DNAH8: variants seen among roughly 807,000 people sequenced by gnomAD.
DNAH8 encodes axonemal beta dynein heavy chain 8.
A neutral mutation model predicts 562.1 loss-of-function variants in DNAH8; 382 were observed. The ratio of observed to expected loss-of-function variants is 0.68; its 90% CI spans 0.63 to 0.74. The LOEUF (loss-of-function observed/expected upper bound fraction) is 0.74. Ranked by LOEUF, DNAH8 falls within the 30% of genes least tolerant of loss-of-function variation. DNAH8 has a pLI of 0.00. For synonymous variants in DNAH8, 1,881 were observed against 1,919.4 expected, an observed-to-expected ratio of 0.98 and a Z score of 0.52; for missense variants, 5,203 against 5,620.4, an observed-to-expected ratio of 0.93 and a Z score of 2.37.
At chr6:38,975,780 A>G (rs1193930584) in intron 85 of DNAH8, among the ~76,000 whole-genome samples, 1 of 152,218 alleles carries the variant, frequency 6.6e-6, no homozygotes, top group Non-Finnish European at 1.5e-5. Context: ...TCCTAATACA[A>G]ATATTGCTTT....
intron 42 of DNAH8, among the ~76,000 whole-genome samples, chr6:38,859,193 C>T (rs1044833812): frequency 1.3e-5 from 2 of 152,208 alleles, no homozygotes; most frequent in African/African-American, 4.8e-5. Flanking sequence ...TCCACCTCCT[C>T]CTTACCATCT....
At position 38,915,302 on chromosome 6, in the gene DNAH8, T is replaced by C; in HGVS notation, c.10065T>C (p.Asp3355=). 1 of 1,610,410 alleles carries C rather than the reference T, an allele frequency of 6.2e-7. No homozygotes were observed. Residue 3355 remains aspartate, a synonymous_variant, in exon 68 of 93, where the codon GAT becomes GAC. Coordinates refer to ENST00000327475, the MANE Select transcript of DNAH8 (RefSeq NM_001206927.2). The part of the protein sequence containing the change: ...DKAQKIVDEI[D]SEKVKAESKL... ...CCCAAAAAATTGTGGATGAAATTGA[T>C]AGTGAAAAAGTGAAAGCTGAAAGCA...
intron 76 of DNAH8, among the ~76,000 whole-genome samples, chr6:38,932,508 T>C (rs1782631402): frequency 6.6e-6 from 1 of 152,178 alleles, no homozygotes; most frequent in African/African-American, 2.4e-5. Context: ...GACTGGAAGA[T>C]TTTAAGAGAC....
intron 6 of DNAH8, 93 bp downstream of exon 6, chr6:38,737,349 G>T: frequency 4.0e-6 from 3 of 758,744 alleles, no homozygotes; most frequent in Non-Finnish European, 5.5e-6. Context: ...TATCTTAAAA[G>T]ATGTTAATCC....
chr6:38,911,666 A>G, intron 66 of DNAH8, 80 bp downstream of exon 66: 1 of 991,810 alleles, frequency 1.0e-6, no homozygotes, highest in South Asian at 1.5e-5. Context: ...TTTGGTGGAC[A>G]TTTTGTCTGA....
At chr6:38,790,482 C>T (rs1169101684) in intron 20 of DNAH8, 77 bp downstream of exon 20, 1 of 708,168 alleles carries the variant, frequency 1.4e-6, no homozygotes, top group Non-Finnish European at 2.4e-6. Context: ...TATGAAAGCT[C>T]TTTAAAGGGT....
chr6:38,884,995 T>C (rs1315652231), intron 56 of DNAH8, among the ~76,000 whole-genome samples: 1 of 152,060 alleles, frequency 6.6e-6, no homozygotes, highest in African/African-American at 2.4e-5. Context: ...TTGCTCTTTA[T>C]CCCTATTCGC....
chr6:38,834,622 A>G lies in DNAH8; in HGVS notation c.4346A>G (p.Asn1449Ser). 5.0e-6 allele frequency: 8 copies of G among 1,608,432 alleles called. No homozygotes were observed. The highest frequency in any genetic ancestry group is 1.1e-5 in the South Asian group (1 of 89,806). ...AATATACCACCCCAAGAAGCTAGCAACAGGCTACAGATATTTCAGGTGAAA... is the reference window on the plus strand; with the variant it reads ...AATATACCACCCCAAGAAGCTAGCAGCAGGCTACAGATATTTCAGGTGAAA... ...VPNIPPQEAS[N>S]RLQIFQASFD... Residue 1449 changes from asparagine to serine, a missense_variant, in exon 32 of 93, where the codon AAC becomes AGC. By Grantham distance (46) the Asn-to-Ser change is conservative. This residue lies in a region of DNAH8 where 2,176 missense variants were observed against 2,365.1 expected (regional missense o/e 0.92). Transcript: ENST00000327475.
chr6:39,025,622 A>G (rs1433750376), intron 91 of DNAH8, among the ~76,000 whole-genome samples: 2 of 151,576 alleles, frequency 1.3e-5, no homozygotes, highest in Non-Finnish European at 2.9e-5. Context: ...CCCTCCCCCA[A>G]CTCCCATTCA....
At chr6:38,718,740 G>T (rs1457474769) in intron 1 of DNAH8, among the ~76,000 whole-genome samples, 1 of 152,182 alleles carries the variant, frequency 6.6e-6, no homozygotes, top group Non-Finnish European at 1.5e-5. Context: ...AGTGTTCACA[G>T]TCACAAAAGT....
At chr6:38,738,931 A>AT (rs1329771462) in intron 7 of DNAH8, among the ~76,000 whole-genome samples, 5 of 152,074 alleles carry the variant, frequency 3.3e-5, no homozygotes, top group African/African-American at 1.2e-4. Context: ...GAATTGTCAG[A>AT]TTTTTAATTG....
At chr6:38,974,130 G>A (rs57188158) in intron 84 of DNAH8, among the ~76,000 whole-genome samples, 6,955 of 152,134 alleles carry the variant, frequency 0.046, 508 homozygotes, top group African/African-American at 0.15. Context: ...TACAGGTTGA[G>A]CATCCTAAAT....
chr6:38,988,793 C>T (rs890748243), intron 87 of DNAH8, among the ~76,000 whole-genome samples: 9 of 152,210 alleles, frequency 5.9e-5, no homozygotes, highest in Non-Finnish European at 1.3e-4. Flanking sequence ...AGGCTTAGCT[C>T]CAAAAATCAC....
At chr6:38,850,981 CTT>C (rs1435352546) in intron 38 of DNAH8, among the ~76,000 whole-genome samples, 1 of 152,156 alleles carries the variant, frequency 6.6e-6, no homozygotes, top group Admixed American at 6.5e-5. Flanking sequence ...CTGGACATGT[CTT>C]TTTGAGGGCT....
rs1762603627 is a variant in DNAH8 at position 38,961,545 on chromosome 6, G to C, written c.12451+10025G>C. 1.3e-5 allele frequency among the ~76,000 whole-genome samples: 2 copies of C among 151,904 alleles called. 1 individual carries two copies. The highest frequency in any genetic ancestry group is 4.1e-4 in the South Asian group (2 of 4,830). ...GGAACACATGGGCAAATATAAGAAA[G>C]ATGCAGGATTAAGAAATCTCATCAC... is the stretch of plus-strand genomic sequence containing the variant. On this transcript the variant is annotated intron_variant, in intron 82 of 92. Transcript: ENST00000327475.
chr6:38,906,685 A>G (rs1021641914), intron 63 of DNAH8, among the ~76,000 whole-genome samples: 1 of 152,148 alleles, frequency 6.6e-6, no homozygotes, highest in South Asian at 2.1e-4. Flanking sequence ...GTATCTGTCC[A>G]TCTATCTGCA....
intron 10 of DNAH8, among the ~76,000 whole-genome samples, chr6:38,758,135 C>T (rs1208131937): frequency 3.9e-5 from 6 of 152,132 alleles, no homozygotes; most frequent in South Asian, 2.1e-4. Flanking sequence ...GCCATTTTCA[C>T]GATATTGATT....
At chr6:38,816,827 T>C (rs1211223220) in intron 26 of DNAH8, among the ~76,000 whole-genome samples, 1 of 152,236 alleles carries the variant, frequency 6.6e-6, no homozygotes, top group Non-Finnish European at 1.5e-5. Flanking sequence ...TGCATTTCTG[T>C]AATGATCACT....
intron 80 of DNAH8, among the ~76,000 whole-genome samples, chr6:38,946,592 C>T (rs948665485): frequency 9.2e-5 from 14 of 152,168 alleles, no homozygotes; most frequent in African/African-American, 3.1e-4. Context: ...AGGTGGATCA[C>T]GAGGTCAGGA....
Sources: allele counts gnomAD v4.1 joint callset (sites outside exome capture counted in the v4.1 genomes callset), GRCh38; gene constraint gnomAD v4.1.1; regional missense constraint gnomAD v4.1.1; transcripts MANE v1.5; gene names NCBI Gene and HGNC (gene_info 2026-07-23, HGNC 2026-07-21).